Variants in ABHD6 observed in about 807,000 individuals in gnomAD.
ABHD6 encodes the protein monoacylglycerol lipase ABHD6.
In ABHD6, 33 loss-of-function variants were observed where a neutral mutation model predicts 38.8. The ratio of observed to expected loss-of-function variants is 0.85; its 90% CI spans 0.64 to 1.14. The LOEUF is 1.14. Ranked by LOEUF, ABHD6 falls within the 50% of genes most tolerant of loss-of-function variation. The pLI is 0.00. For missense variants in ABHD6, 380 were observed against 422.6 expected, an observed-to-expected ratio of 0.90 and a Z score of 0.88; for synonymous variants, 147 against 161.6, an observed-to-expected ratio of 0.91 and a Z score of 0.69.
chr3:58,240,167 T>C lies in ABHD6; in HGVS notation c.-91+2251T>C, dbSNP rs971936259. Among the ~76,000 whole-genome samples, 4 of 151,744 alleles carry C rather than the reference T, an allele frequency of 2.6e-5. No homozygotes were observed. In the East Asian group the frequency reaches 7.7e-4, roughly 29 times the overall value. ...ACCCAGTCTCAAAAAATAAAATAAA[T>C]AAATAAAGAATGAGTGTTTATCCTA... is the stretch of plus-strand genomic sequence containing the variant. On this transcript the variant is annotated intron_variant, in intron 1 of 9. Transcript: ENST00000478253.
In ABHD6 at chr3:58,259,438, G is replaced by A. The variant is rs2097435519; in HGVS notation, c.119+2733G>A. Among the ~76,000 whole-genome samples the A allele has an allele frequency of 6.6e-6, 1 of 152,170 alleles. No homozygotes were observed. The highest frequency in any genetic ancestry group is 1.5e-5 in the Non-Finnish European group (1 of 68,016). ...CTCACACCTGTAATCCCAGCACTTT[G>A]GGAGGCTAAGGCAGGAGGATCACTT... On this transcript the variant is annotated intron_variant, in intron 3 of 9. Transcript: ENST00000478253. This position sits in a 1 kb window ranked among gnomAD's most constrained non-coding sequence, Gnocchi z 4.7.
At chr3:58,286,852 G>GTATATAGATATATATATATA (rs2097457588) in intron 9 of ABHD6, among the ~76,000 whole-genome samples, 1 of 70,648 alleles carries the variant, frequency 1.4e-5, no homozygotes, top group Non-Finnish European at 2.8e-5. Context: ...GTGTGTGTGT[G>GTATATAGATATATATATATA]TATATATATA....
chr3:58,277,969 C>T (rs1342727240), intron 7 of ABHD6, among the ~76,000 whole-genome samples: 2 of 152,160 alleles, frequency 1.3e-5, no homozygotes, highest in Non-Finnish European at 2.9e-5. Context: ...CCGACTTGAT[C>T]GTGGTGGATA....
chr3:58,248,702 GA>G (rs1204657079), intron 1 of ABHD6, among the ~76,000 whole-genome samples: 2 of 150,490 alleles, frequency 1.3e-5, no homozygotes, highest in Non-Finnish European at 3.0e-5. Flanking sequence ...CTATCTCAAA[GA>G]AAAAAAAAGA....
In ABHD6 at chr3:58,265,155, T is replaced by C. The variant is rs2097440061; in HGVS notation, c.120-2034T>C. On this transcript the variant is annotated intron_variant, in intron 3 of 9. Transcript: ENST00000478253. This position sits in a 1 kb window ranked among gnomAD's most constrained non-coding sequence, Gnocchi z 4.2. ...AATAAGTGAGAGCATGTGATGTTTG[T>C]CTTTCTGTGTCTGGCTTACTTCACT... Among the ~76,000 whole-genome samples, 1 of 152,214 alleles carries C rather than the reference T, an allele frequency of 6.6e-6. No homozygotes were observed. Among genetic ancestry groups the C allele is most frequent in the Non-Finnish European group, 1.5e-5 (1 of 68,030 alleles).
rs2097464748 is a variant in ABHD6, at chr3:58,293,413, T to C, written c.838-176T>C. On this transcript the variant is annotated intron_variant, in intron 9 of 9. Coordinates refer to ENST00000478253, the MANE Select transcript of ABHD6 (RefSeq NM_001320126.2). This position sits in a 1 kb window ranked among gnomAD's most constrained non-coding sequence, Gnocchi z 4.4. ...TTGCAGAATAAAACAGGAGGCATCA[T>C]GGTTACTTCCATTCAGACAGCCACA... Among the ~76,000 whole-genome samples the C allele has an allele frequency of 1.3e-5, 2 of 152,210 alleles. No individual in the cohort carries two copies. The highest frequency in any genetic ancestry group is 2.9e-5 in the Non-Finnish European group (2 of 68,040).
chr3:58,285,472 C>T lies in ABHD6; in HGVS notation c.837+19C>T, dbSNP rs201663154. 1.4e-4 allele frequency: 218 copies of T among 1,600,492 alleles called. No individual in the cohort carries two copies. Among genetic ancestry groups the T allele is most frequent in the Non-Finnish European group, 1.2e-4 (142 of 1,167,692 alleles). On this transcript the variant is annotated intron_variant, in intron 9 of 9. Transcript: ENST00000478253. This position sits in a 1 kb window ranked among gnomAD's most constrained non-coding sequence, Gnocchi z 4.9. ...AGACCAGGTATGTAACACATCCCCG[C>T]GGCAGTCTGTGCTGGTCACCAGGGC...
chr3:58,260,625 C>G (rs2097436314), intron 3 of ABHD6, among the ~76,000 whole-genome samples: 1 of 152,148 alleles, frequency 6.6e-6, no homozygotes, highest in African/African-American at 2.4e-5. Flanking sequence ...AGCGACTCCT[C>G]CAAAGGCCTT....
In ABHD6 at chr3:58,265,265, T is replaced by G. The variant is rs1456584671; in HGVS notation, c.120-1924T>G. Among the ~76,000 whole-genome samples the G allele has an allele frequency of 6.6e-6, 1 of 152,186 alleles. No homozygotes were observed. The highest frequency in any genetic ancestry group is 1.5e-5 in the Non-Finnish European group (1 of 68,028). ...GTGAACTTGAACATGTTTTTTATGT[T>G]TGTTAGTCATTAATATCTTTTCTAC... is the stretch of plus-strand genomic sequence containing the variant. On this transcript the variant is annotated intron_variant, in intron 3 of 9. Coordinates refer to ENST00000478253, the MANE Select transcript of ABHD6 (RefSeq NM_001320126.2). This position sits in a 1 kb window ranked among gnomAD's most constrained non-coding sequence, Gnocchi z 4.2.
chr3:58,289,869 C>CT (rs2097460446), intron 9 of ABHD6, among the ~76,000 whole-genome samples: 1 of 85,118 alleles, frequency 1.2e-5, no homozygotes, highest in African/African-American at 8.7e-5. Context: ...AGGGGGCTGA[C>CT]CCCCCCACCT....
chr3:58,288,735 C>T (rs1291481713), intron 9 of ABHD6, among the ~76,000 whole-genome samples: 1 of 152,174 alleles, frequency 6.6e-6, no homozygotes, highest in African/African-American at 2.4e-5. Flanking sequence ...CCCTGCCCTC[C>T]AGCAATTTAT....
intron 1 of ABHD6, among the ~76,000 whole-genome samples, chr3:58,243,210 T>A (rs774151783): frequency 6.6e-6 from 1 of 152,362 alleles, no homozygotes; most frequent in South Asian, 2.1e-4. Context: ...ATAGTAGCAT[T>A]ATTTATAATC....
At chr3:58,250,746 C>G (rs890010663) in intron 2 of ABHD6, among the ~76,000 whole-genome samples, 75 of 152,234 alleles carry the variant, frequency 4.9e-4, no homozygotes, top group African/African-American at 1.8e-3. Context: ...TCCCCTAAGG[C>G]TGTGCTGTCT....
At position 58,273,886 on chromosome 3, in the gene ABHD6, T is replaced by TA. The variant is rs374715293; in HGVS notation, c.524-765dup. Among the ~76,000 whole-genome samples, 629 of 151,426 alleles carry TA rather than the reference T, an allele frequency of 4.2e-3. 5 individuals are homozygous for TA. The highest frequency in any genetic ancestry group is 0.014 in the African/African-American group (582 of 41,276). On this transcript the variant is annotated intron_variant, in intron 6 of 9. Coordinates refer to ENST00000478253, the MANE Select transcript of ABHD6 (RefSeq NM_001320126.2). This position sits in a 1 kb window ranked among gnomAD's most constrained non-coding sequence, Gnocchi z 4.8. ...TGCCCATGTATCCCAGAACTTAAAGTAAAAAAAGAAAAAAAAATCTAATTA... is the reference window on the plus strand; with the variant it reads ...TGCCCATGTATCCCAGAACTTAAAGTAAAAAAAAGAAAAAAAAATCTAATTA...
chr3:58,245,099 A>T (rs1471429168), intron 1 of ABHD6, among the ~76,000 whole-genome samples: 2 of 152,108 alleles, frequency 1.3e-5, no homozygotes, highest in Admixed American at 6.5e-5. Flanking sequence ...AACAGGGCTC[A>T]TTTTTTTGTT....
intron 7 of ABHD6, 92 bp downstream of exon 7, chr3:58,274,907 C>A (rs1290820760): frequency 2.1e-6 from 3 of 1,421,646 alleles, no homozygotes; most frequent in African/African-American, 2.8e-5. Flanking sequence ...TTCACCTACT[C>A]ATTGACTACT....
At chr3:58,240,036 C>T (rs1020499347) in intron 1 of ABHD6, among the ~76,000 whole-genome samples, 3 of 151,424 alleles carry the variant, frequency 2.0e-5, no homozygotes, top group Non-Finnish European at 4.4e-5. Flanking sequence ...CCTGTAGTCC[C>T]GGCTACTTGG....
At chr3:58,262,948 G>A (rs751394152) in intron 3 of ABHD6, among the ~76,000 whole-genome samples, 7 of 152,142 alleles carry the variant, frequency 4.6e-5, no homozygotes, top group East Asian at 1.9e-4. Context: ...TGTGGCCCAC[G>A]CCTGTAATCC....
rs1310322167 is a variant in ABHD6 at position 58,285,642 on chromosome 3, T to C, written c.837+189T>C. On this transcript the variant is annotated intron_variant, in intron 9 of 9. Coordinates refer to ENST00000478253, the MANE Select transcript of ABHD6 (RefSeq NM_001320126.2). The surrounding 1 kb of genome is among the most constrained non-coding windows in gnomAD (Gnocchi z 4.9). ...GTTCTGGGAGTGGAGAGAAACAACA[T>C]TTGGTCTGGTAAAAGGAAAGACAAT... Among the ~76,000 whole-genome samples, 3 of 152,146 alleles carry C rather than the reference T, an allele frequency of 2.0e-5. No individual in the cohort carries two copies. Among genetic ancestry groups the C allele is most frequent in the Non-Finnish European group, 4.4e-5 (3 of 68,008 alleles).
Sources: gnomAD v4.1 joint callset for allele counts (sites outside exome capture counted in the v4.1 genomes callset) on GRCh38, gnomAD v4.1.1 for gene constraint, Gnocchi (gnomAD v3.1) non-coding constraint, MANE v1.5 for transcripts, NCBI Gene and HGNC (gene_info 2026-07-23, HGNC 2026-07-21) for gene names.